Variants in PTPRT observed in about 807,000 individuals in gnomAD.
PTPRT encodes the protein receptor-type tyrosine-protein phosphatase T.
In PTPRT, 56 loss-of-function variants were observed where a neutral mutation model predicts 176.8. The observed-to-expected ratio is 0.32, with a 90% CI of 0.26 to 0.40. The LOEUF (loss-of-function observed/expected upper bound fraction) is 0.40, where lower values mean the gene tolerates loss of function less well. PTPRT is among the 10% of genes least tolerant of loss of function. PTPRT has a pLI of 1.00. For synonymous variants in PTPRT, 783 were observed against 739.0 expected, an observed-to-expected ratio of 1.06 and a Z score of -0.96; for missense variants, 1,540 against 1,908.2, an observed-to-expected ratio of 0.81 and a Z score of 3.60.
intron 6 of PTPRT, among the ~76,000 whole-genome samples, chr20:42,745,533 G>A (rs552930796): frequency 2.6e-5 from 4 of 152,272 alleles, no homozygotes; most frequent in African/African-American, 7.2e-5. Context: ...ATGTCCCCTG[G>A]AAGGAAAATC....
chr20:42,535,451 C>T (rs1004841036), intron 7 of PTPRT, among the ~76,000 whole-genome samples: 42 of 152,210 alleles, frequency 2.8e-4, no homozygotes, highest in African/African-American at 9.6e-4. Context: ...GCACACCTTC[C>T]CATCTACCCC....
intron 9 of PTPRT, among the ~76,000 whole-genome samples, chr20:42,430,748 C>T (rs1345571527): frequency 6.6e-6 from 1 of 152,166 alleles, no homozygotes; most frequent in African/African-American, 2.4e-5. Flanking sequence ...AGAGTGTCTC[C>T]AGCAAGTCCT....
chr20:42,826,087 T>C (rs560458048), intron 2 of PTPRT, among the ~76,000 whole-genome samples: 1 of 152,004 alleles, frequency 6.6e-6, no homozygotes, highest in East Asian at 1.9e-4. Flanking sequence ...CTACAACATA[T>C]CAAGCAGAGA....
intron 12 of PTPRT, among the ~76,000 whole-genome samples, chr20:42,312,022 CTGT>C (rs2057640420): frequency 6.6e-6 from 1 of 152,272 alleles, no homozygotes; most frequent in East Asian, 1.9e-4. Context: ...CAGATTAGAA[CTGT>C]TAAGTTTTTA....
chr20:42,081,089 A>G lies in PTPRT; in HGVS notation c.4273-157T>C, dbSNP rs1983280717. Among the ~76,000 whole-genome samples, 7 of 152,270 alleles carry G rather than the reference A, an allele frequency of 4.6e-5. No individual in the cohort carries two copies. The South Asian group carries it at 1.5e-3, about 32-fold the overall frequency. ...AACTCAAAATTACCCATATCTGGAC[A>G]TCCTTCAAAATTCTGCTTGATGCCT... On this transcript the variant is annotated intron_variant, in intron 30 of 30. Coordinates refer to ENST00000373187, the MANE Select transcript of PTPRT (RefSeq NM_007050.6).
At chr20:43,027,050 C>T (rs756331286) in intron 1 of PTPRT, among the ~76,000 whole-genome samples, 8 of 152,234 alleles carry the variant, frequency 5.3e-5, no homozygotes, top group Admixed American at 3.3e-4. Flanking sequence ...GCAGATATCT[C>T]TTCAATATAC....
chr20:42,746,084 C>T (rs768762512), intron 6 of PTPRT, among the ~76,000 whole-genome samples: 14 of 152,236 alleles, frequency 9.2e-5, no homozygotes, highest in East Asian at 1.9e-4. Flanking sequence ...TTTCCAAATG[C>T]GTTAAAAGTG....
chr20:42,082,443 G>A (rs1983428683), intron 29 of PTPRT, among the ~76,000 whole-genome samples: 1 of 152,064 alleles, frequency 6.6e-6, no homozygotes, highest in Non-Finnish European at 1.5e-5. Context: ...AGAATGCTCT[G>A]GGTCCACTTA....
intron 2 of PTPRT, among the ~76,000 whole-genome samples, chr20:42,876,721 C>A (rs1013540430): frequency 6.6e-6 from 1 of 152,172 alleles, no homozygotes; most frequent in Non-Finnish European, 1.5e-5. Context: ...ATAACTTTAA[C>A]AATAATTCAG....
chr20:42,706,182 TG>T (rs1374183042), intron 6 of PTPRT, among the ~76,000 whole-genome samples: 7 of 32,388 alleles, frequency 2.2e-4, no homozygotes, highest in African/African-American at 2.7e-4. Context: ...TCTCTGTTTG[TG>T]TGTGTGTGTG....
In PTPRT at chr20:43,127,982, T is replaced by C. The variant is rs550094872; in HGVS notation, c.88+61664A>G. On this transcript the variant is annotated intron_variant, in intron 1 of 30. Transcript: ENST00000373187. Reference sequence around the variant, plus strand: ...GATACTTGGAGATACTGCTAGTTCTTTGATGGTGACAACTGCCATGGAATA... The same window carrying C: ...GATACTTGGAGATACTGCTAGTTCTCTGATGGTGACAACTGCCATGGAATA... 9.2e-4 allele frequency among the ~76,000 whole-genome samples: 140 copies of C among 152,272 alleles called. No homozygotes were observed. In the Middle Eastern group the frequency reaches 0.01, roughly 11 times the overall value.
At chr20:43,188,778 T>G (rs2015463607) in intron 1 of PTPRT, among the ~76,000 whole-genome samples, 1 of 132,246 alleles carries the variant, frequency 7.6e-6, no homozygotes, top group African/African-American at 2.8e-5. Flanking sequence ...GGGTGGAAGC[T>G]GCCTGCGGTG....
intron 6 of PTPRT, among the ~76,000 whole-genome samples, chr20:42,745,082 T>A (rs577207920): frequency 6.6e-6 from 1 of 152,206 alleles, no homozygotes; most frequent in Non-Finnish European, 1.5e-5. Context: ...TTGCTGTATT[T>A]CCCTGGATAG....
chr20:42,337,154 GC>G lies in PTPRT; in HGVS notation c.1865+13473del, dbSNP rs11476563. 6.2e-3 allele frequency among the ~76,000 whole-genome samples: 941 copies of G among 150,696 alleles called. 14 individuals carry two copies. The highest frequency in any genetic ancestry group is 0.022 in the African/African-American group (895 of 40,084). ...TAGCAATGCTTACAGATATTTAGAAGCCCCCCCTTCCCTGGCTCTACAGTTA... is the reference window on the plus strand; with the variant it reads ...TAGCAATGCTTACAGATATTTAGAAGCCCCCCTTCCCTGGCTCTACAGTTA... On this transcript the variant is annotated intron_variant, in intron 11 of 30. Coordinates refer to ENST00000373187, the MANE Select transcript of PTPRT (RefSeq NM_007050.6).
the PTPRT span, among the ~76,000 whole-genome samples, chr20:42,051,678 G>T: frequency 6.6e-6 from 1 of 152,160 alleles, no homozygotes; most frequent in African/African-American, 2.4e-5. Flanking sequence ...AAGAGACGAA[G>T]TTCCTCTAAA....
intron 1 of PTPRT, among the ~76,000 whole-genome samples, chr20:43,163,827 G>A (rs2014780300): frequency 6.6e-6 from 1 of 152,170 alleles, no homozygotes; most frequent in Admixed American, 6.5e-5. Flanking sequence ...AGAAAGAAGT[G>A]GAGAGGAGAG....
intron 7 of PTPRT, among the ~76,000 whole-genome samples, chr20:42,538,043 A>G (rs948819511): frequency 6.6e-6 from 1 of 152,196 alleles, no homozygotes; most frequent in Non-Finnish European, 1.5e-5. Flanking sequence ...CAGATGACAC[A>G]TTTAATTCTC....
chr20:42,670,752 G>A (rs2075398377), intron 7 of PTPRT, among the ~76,000 whole-genome samples: 1 of 152,162 alleles, frequency 6.6e-6, no homozygotes, highest in Non-Finnish European at 1.5e-5. Flanking sequence ...AGGGGGACGG[G>A]CTAAGATTAC....
At chr20:42,806,648 T>G (rs2077614016) in intron 2 of PTPRT, among the ~76,000 whole-genome samples, 1 of 152,132 alleles carries the variant, frequency 6.6e-6, no homozygotes, top group Non-Finnish European at 1.5e-5. Flanking sequence ...TGTTAACAAC[T>G]ACTCAATTCT....
Sources: gnomAD v4.1 joint callset for allele counts (sites outside exome capture counted in the v4.1 genomes callset) on GRCh38, gnomAD v4.1.1 for gene constraint, MANE v1.5 for transcripts, NCBI Gene and HGNC (gene_info 2026-07-23, HGNC 2026-07-21) for gene names.